Variants in ZNF568 observed in about 807,000 individuals in gnomAD.
ZNF568 encodes the protein zinc finger protein 568.
ZNF568 carries 11 observed loss-of-function variants against 18.1 expected under a neutral mutation model. The ratio of observed to expected loss-of-function variants is 0.61; its 90% CI spans 0.38 to 1.00. The LOEUF is 1.00. ZNF568 is among the 50% of genes least tolerant of loss of function. The pLI is 0.01. For synonymous variants in ZNF568, 213 were observed against 246.6 expected, an observed-to-expected ratio of 0.86 and a Z score of 1.28; for missense variants, 639 against 768.2, an observed-to-expected ratio of 0.83 and a Z score of 1.99.
At chr19:36,970,419 C>G (rs1472539202) in intron 6 of ZNF568, among the ~76,000 whole-genome samples, 1 of 151,146 alleles carries the variant, frequency 6.6e-6, no homozygotes, top group Non-Finnish European at 1.5e-5. Context: ...AATCTTGGCT[C>G]ACTGCAACCT....
At chr19:36,972,382 A>G (rs926072790) in intron 6 of ZNF568, among the ~76,000 whole-genome samples, 12 of 151,920 alleles carry the variant, frequency 7.9e-5, no homozygotes, top group African/African-American at 2.9e-4. Context: ...GTTTTCCGTT[A>G]TTTCCGCTGC....
chr19:36,936,909 A>G, intron 5 of ZNF568, 37 bp downstream of exon 5: 1 of 1,602,254 alleles, frequency 6.2e-7, no homozygotes, highest in Non-Finnish European at 8.5e-7. Context: ...TTAACAGAGA[A>G]TTCTTTTCCA....
intron 6 of ZNF568, among the ~76,000 whole-genome samples, chr19:36,969,164 GT>G (rs1348174257): frequency 2.0e-5 from 3 of 151,292 alleles, no homozygotes; most frequent in African/African-American, 7.3e-5. Context: ...CCCAATACAA[GT>G]TCTTTGTAGT....
intron 5 of ZNF568, 56 bp downstream of exon 5, chr19:36,936,928 A>G: frequency 1.3e-6 from 2 of 1,594,312 alleles, no homozygotes; most frequent in Admixed American, 1.7e-5. Flanking sequence ...CATTTCTGAA[A>G]TGTGTGAAGA....
chr19:36,923,053 T>A (rs2073485171), intron 3 of ZNF568, among the ~76,000 whole-genome samples: 1 of 152,170 alleles, frequency 6.6e-6, no homozygotes, highest in Non-Finnish European at 1.5e-5. Flanking sequence ...TAAGAGTATG[T>A]TTAAGTATAT....
chr19:36,974,572 GGGAA>G (rs2074265002), intron 7 of ZNF568: 4 of 1,183,902 alleles, frequency 3.4e-6, no homozygotes, highest in Non-Finnish European at 4.8e-6. Context: ...TTGGACAAAG[GGGAA>G]GAGGGGAGGA....
intron 6 of ZNF568, among the ~76,000 whole-genome samples, chr19:36,943,202 T>TA (rs2073911974): frequency 1.3e-5 from 2 of 152,358 alleles, no homozygotes; most frequent in South Asian, 4.1e-4. Flanking sequence ...CTTACAGACA[T>TA]AATTGAGATT....
intron 2 of ZNF568, among the ~76,000 whole-genome samples, chr19:36,986,988 C>G (rs1220300478): frequency 1.3e-5 from 2 of 152,174 alleles, no homozygotes; most frequent in African/African-American, 4.8e-5. Flanking sequence ...GATTCAGAAC[C>G]CAGCATTGCC....
intron 4 of ZNF568, among the ~76,000 whole-genome samples, chr19:36,927,158 T>C (rs529885503): frequency 2.0e-5 from 3 of 152,238 alleles, no homozygotes; most frequent in African/African-American, 7.2e-5. Context: ...GTTTGGATAG[T>C]TACATTTAGT....
At chr19:36,927,457 G>A (rs1432822110) in intron 4 of ZNF568, among the ~76,000 whole-genome samples, 8 of 152,080 alleles carry the variant, frequency 5.3e-5, no homozygotes, top group African/African-American at 1.7e-4. Flanking sequence ...CGTTTATTAA[G>A]TAGATCTTTC....
downstream of ZNF568, chr19:36,997,343 C>T (rs773749748): frequency 1.7e-5 from 28 of 1,600,870 alleles, no homozygotes; most frequent in African/African-American, 2.7e-5. Flanking sequence ...TCAGAACTTA[C>T]CCGACATCAG....
At chr19:36,957,846 A>T (rs1359024630) in intron 6 of ZNF568, among the ~76,000 whole-genome samples, 1 of 152,220 alleles carries the variant, frequency 6.6e-6, no homozygotes, top group East Asian at 1.9e-4. Context: ...AAAGTATTTC[A>T]AGTCTCTTTA....
chr19:36,961,238 G>T (rs2074146766), intron 6 of ZNF568, among the ~76,000 whole-genome samples: 1 of 147,196 alleles, frequency 6.8e-6, no homozygotes, highest in Non-Finnish European at 1.5e-5. Flanking sequence ...TCCACTGCTG[G>T]TTTAATCACT....
chr19:36,947,151 G>A (rs2073981074), intron 6 of ZNF568, among the ~76,000 whole-genome samples: 2 of 152,064 alleles, frequency 1.3e-5, no homozygotes, highest in South Asian at 4.1e-4. Context: ...GTCTAGCTGG[G>A]ATTACAGGCA....
chr19:36,983,570 A>C (rs930118394), downstream of ZNF568, among the ~76,000 whole-genome samples: 1 of 152,140 alleles, frequency 6.6e-6, no homozygotes, highest in Non-Finnish European at 1.5e-5. Flanking sequence ...AATTGAGTGC[A>C]TTGTTCTATA....
downstream of ZNF568, among the ~76,000 whole-genome samples, chr19:36,983,933 C>G (rs1415752406): frequency 7.6e-6 from 1 of 131,404 alleles, no homozygotes; most frequent in East Asian, 2.2e-4. Flanking sequence ...GAGTCTCGCT[C>G]TGTCGCCCAG....
chr19:36,963,881 C>T (rs2074173367), intron 6 of ZNF568, among the ~76,000 whole-genome samples: 1 of 151,776 alleles, frequency 6.6e-6, no homozygotes, highest in Non-Finnish European at 1.5e-5. Context: ...GCAGAAGAAT[C>T]GCTTGAACCT....
Position 36,950,747 on chromosome 19 carries a change from T to A in ZNF568, c.1594T>A (p.Cys532Ser). Residue 532 changes from cysteine to serine, a missense_variant, in exon 7 of 7, where the codon TGT becomes AGT. Physicochemically the swap from Cys to Ser is moderately radical, Grantham distance 112. Coordinates refer to ENST00000333987, the MANE Select transcript of ZNF568 (RefSeq NM_198539.4). Reference protein sequence around the residue: ...KIHTGEKPYHCNQCGKAFSQR... With the variant: ...KIHTGEKPYHSNQCGKAFSQR... Reference sequence around the variant, plus strand: ...TCATACTGGAGAGAAACCTTATCATTGTAATCAATGTGGGAAAGCTTTCAG... The same window carrying A: ...TCATACTGGAGAGAAACCTTATCATAGTAATCAATGTGGGAAAGCTTTCAG... 1 of 1,613,694 alleles carries A rather than the reference T, an allele frequency of 6.2e-7. No homozygotes were observed. Among genetic ancestry groups the A allele is most frequent in the Non-Finnish European group, 8.5e-7 (1 of 1,179,962 alleles).
downstream of ZNF568, chr19:36,997,479 T>A: frequency 1.3e-6 from 2 of 1,588,168 alleles, no homozygotes; most frequent in South Asian, 1.1e-5. Context: ...GTAAGGAATG[T>A]GGGAAGGCTT....
Sources: allele counts gnomAD v4.1 joint callset (sites outside exome capture counted in the v4.1 genomes callset), GRCh38; gene constraint gnomAD v4.1.1; transcripts MANE v1.5; gene names NCBI Gene and HGNC (gene_info 2026-07-23, HGNC 2026-07-21).